PDGFC: variants seen among roughly 807,000 people sequenced by gnomAD.
PDGFC encodes platelet derived growth factor C.
PDGFC carries 12 observed loss-of-function variants against 35.5 expected under a neutral mutation model. That is an observed-to-expected ratio of 0.34 (90% CI 0.22 to 0.55). The LOEUF (loss-of-function observed/expected upper bound fraction) is 0.55, where lower values mean the gene tolerates loss of function less well. PDGFC is among the 20% of genes least tolerant of loss of function. PDGFC has a pLI of 0.91. For synonymous variants in PDGFC, 159 were observed against 148.8 expected, an observed-to-expected ratio of 1.07 and a Z score of -0.50; for missense variants, 322 against 412.4, an observed-to-expected ratio of 0.78 and a Z score of 1.90.
chr4:156,954,287 A>C (rs1732152372), intron 1 of PDGFC, among the ~76,000 whole-genome samples: 2 of 152,140 alleles, frequency 1.3e-5, no homozygotes, highest in Non-Finnish European at 2.9e-5. Flanking sequence ...CAGAGCTGAG[A>C]AAATCAACTT....
At chr4:156,889,443 T>G (rs2111190455) in intron 1 of PDGFC, among the ~76,000 whole-genome samples, 1 of 152,328 alleles carries the variant, frequency 6.6e-6, no homozygotes, top group African/African-American at 2.4e-5. Context: ...AGGAAAACTT[T>G]GAATTAGTAC....
chr4:156,811,378 C>T (rs1018301362), intron 2 of PDGFC, among the ~76,000 whole-genome samples: 1 of 152,050 alleles, frequency 6.6e-6, no homozygotes, highest in African/African-American at 2.4e-5. Flanking sequence ...CTCTTAATTC[C>T]TATTATTACT....
chr4:156,921,953 T>C (rs1309138049), intron 1 of PDGFC, among the ~76,000 whole-genome samples: 1 of 152,112 alleles, frequency 6.6e-6, no homozygotes, highest in Admixed American at 6.6e-5. Flanking sequence ...CAGTGATCGA[T>C]GCAATAAACT....
intron 1 of PDGFC, among the ~76,000 whole-genome samples, chr4:156,864,191 G>C (rs576576415): frequency 6.6e-6 from 1 of 152,162 alleles, no homozygotes; most frequent in East Asian, 1.9e-4. Flanking sequence ...TGGATAAAAA[G>C]GGTAATGTAA....
chr4:156,764,442 A>T (rs1347589855), intron 5 of PDGFC, among the ~76,000 whole-genome samples: 3 of 152,204 alleles, frequency 2.0e-5, no homozygotes, highest in African/African-American at 7.2e-5. Flanking sequence ...ATGAGTGAAC[A>T]GAGGCTTAGA....
chr4:156,871,570 A>T (rs528390941), intron 1 of PDGFC, among the ~76,000 whole-genome samples: 16 of 152,294 alleles, frequency 1.1e-4, no homozygotes, highest in South Asian at 1.0e-3. Flanking sequence ...CTCAATATGT[A>T]CATATTTTTA....
chr4:156,793,534 CATATATAT>C lies in PDGFC; in HGVS notation c.495+17295_495+17302del, dbSNP rs66571528. Among the ~76,000 whole-genome samples the C allele has an allele frequency of 1.7e-3, 219 of 130,618 alleles. 2 individuals carry two copies. The highest frequency in any genetic ancestry group is 3.2e-3 in the African/African-American group (112 of 35,174). 85.7% of individuals were successfully genotyped at this position (130,618 alleles called of 152,430 possible). A position where few individuals can be genotyped will look rare whatever the true frequency, so the allele number is the denominator to read the frequency against. On this transcript the variant is annotated intron_variant, in intron 3 of 5. Transcript: ENST00000502773. ...TTTTATAATACATATGAATTATGTGCATATATATATATATATATATATATATATAAAAC... is the reference window on the plus strand; with the variant it reads ...TTTTATAATACATATGAATTATGTGCATATATATATATATATATATAAAAC...
chr4:156,785,980 A>C (rs1731113525), intron 3 of PDGFC, among the ~76,000 whole-genome samples: 1 of 152,138 alleles, frequency 6.6e-6, no homozygotes, highest in Non-Finnish European at 1.5e-5. Context: ...ATGCTCTGAA[A>C]TCATCTTTAT....
intron 5 of PDGFC, among the ~76,000 whole-genome samples, chr4:156,766,357 C>T (rs1005127298): frequency 4.6e-5 from 7 of 151,994 alleles, no homozygotes; most frequent in African/African-American, 1.7e-4. Context: ...ATTTATTTGG[C>T]TAAAATGTCT....
At chr4:156,918,913 C>T (rs569483507) in intron 1 of PDGFC, among the ~76,000 whole-genome samples, 21 of 152,258 alleles carry the variant, frequency 1.4e-4, no homozygotes, top group African/African-American at 2.6e-4. Context: ...CAGTTCATGA[C>T]GGTTTTTGGT....
At chr4:156,911,426 TAG>T (rs961359709) in intron 1 of PDGFC, among the ~76,000 whole-genome samples, 1 of 152,042 alleles carries the variant, frequency 6.6e-6, no homozygotes, top group Non-Finnish European at 1.5e-5. Context: ...CGAGAAGAAA[TAG>T]AGTCATAAAA....
At chr4:156,852,624 T>C (rs2111089731) in intron 1 of PDGFC, among the ~76,000 whole-genome samples, 1 of 152,286 alleles carries the variant, frequency 6.6e-6, no homozygotes, top group South Asian at 2.1e-4. Flanking sequence ...TCCTTGAGTG[T>C]GTGAAATCTA....
chr4:156,797,337 C>G (rs984715155), intron 3 of PDGFC, among the ~76,000 whole-genome samples: 3 of 152,062 alleles, frequency 2.0e-5, no homozygotes, highest in African/African-American at 7.2e-5. Context: ...CACACTCACC[C>G]CTCGCCCACA....
At chr4:156,871,326 A>G (rs1236851362) in intron 1 of PDGFC, among the ~76,000 whole-genome samples, 1 of 152,142 alleles carries the variant, frequency 6.6e-6, no homozygotes, top group Non-Finnish European at 1.5e-5. Context: ...CCCCCCTGGC[A>G]AAGACTGCAG....
chr4:156,885,691 G>A (rs1398415545), intron 1 of PDGFC, among the ~76,000 whole-genome samples: 1 of 151,932 alleles, frequency 6.6e-6, no homozygotes. Flanking sequence ...AGGAGCTCAA[G>A]GCCAGCCTGG....
In PDGFC at chr4:156,850,316, C is replaced by T; in HGVS notation, c.219G>A (p.Leu73=). 6.2e-7 allele frequency: 1 copy of T among 1,609,580 alleles called. No individual in the cohort carries two copies. The highest frequency in any genetic ancestry group is 1.1e-5 in the South Asian group (1 of 90,780). The change falls in exon 2 of 6, where the codon TTG becomes TTA. Residue 73 remains leucine (L), a synonymous_variant. Transcript: ENST00000502773. ...FPHTYPRNTV[L]VWRLVAVEEN... is the part of the protein sequence containing the mutation. ...CCTCTACTGCTACTAATCTCCATACCAAGACCGTATTTCTTGGATAAGTAT... is the reference window on the plus strand; with the variant it reads ...CCTCTACTGCTACTAATCTCCATACTAAGACCGTATTTCTTGGATAAGTAT...
chr4:156,807,073 A>G (rs975434588), intron 3 of PDGFC, among the ~76,000 whole-genome samples: 1 of 151,660 alleles, frequency 6.6e-6, no homozygotes, highest in African/African-American at 2.4e-5. Flanking sequence ...TTAACTCCTT[A>G]GGCACAATCA....
chr4:156,959,907 A>G (rs1732300327), intron 1 of PDGFC, among the ~76,000 whole-genome samples: 1 of 151,992 alleles, frequency 6.6e-6, no homozygotes, highest in African/African-American at 2.4e-5. Flanking sequence ...TGCCTATTCA[A>G]AGTTATCAGT....
chr4:156,970,796 C>G lies in PDGFC; in HGVS notation c.108G>C (p.Lys36Asn), dbSNP rs749823455. ...LSSKFQFSSN[K>N]EQNGVQDPQH... ...GGGGGAAAGACTCACCGTTCTGTTC[C>G]TTGTTGCTGGAAAACTGGAATTTAC... Residue 36 changes from lysine (K) to asparagine (N), a missense_variant, in exon 1 of 6, where the codon AAG (lysine) becomes AAC (asparagine). Physicochemically the swap from Lys to Asn is moderately conservative, Grantham distance 94 (BLOSUM62 0). This residue lies in a region of PDGFC where 120 missense variants were observed against 116.6 expected (regional missense o/e 1.03). Coordinates refer to ENST00000502773, the MANE Select transcript of PDGFC (RefSeq NM_016205.3). The G allele has an allele frequency of 5.6e-6, 9 of 1,601,958 alleles. No individual in the cohort carries two copies. The South Asian group carries it at 9.9e-5, about 18-fold the overall frequency.
Sources: gnomAD v4.1 joint callset for allele counts (sites outside exome capture counted in the v4.1 genomes callset) on GRCh38, gnomAD v4.1.1 for gene constraint, gnomAD v4.1.1 regional missense constraint, MANE v1.5 for transcripts, NCBI Gene and HGNC (gene_info 2026-07-23, HGNC 2026-07-21) for gene names.